Variants in ZMYM1 observed in about 807,000 individuals in gnomAD.
ZMYM1 encodes zinc finger MYM-type protein 1.
A neutral mutation model predicts 60.0 loss-of-function variants in ZMYM1; 39 were observed. That is an observed-to-expected ratio of 0.65 (90% CI 0.50 to 0.85). ZMYM1 has a LOEUF of 0.85. Ranked by LOEUF, ZMYM1 falls within the 40% of genes least tolerant of loss-of-function variation. The pLI, the probability that ZMYM1 is intolerant of heterozygous loss-of-function variation, is 0.00. For synonymous variants in ZMYM1, 413 were observed against 454.0 expected, an observed-to-expected ratio of 0.91 and a Z score of 1.15; for missense variants, 1,171 against 1,309.5, an observed-to-expected ratio of 0.89 and a Z score of 1.63.
At chr1:35,069,570 C>T (rs956093682) in intron 1 of ZMYM1, among the ~76,000 whole-genome samples, 1 of 152,138 alleles carries the variant, frequency 6.6e-6, no homozygotes, top group African/African-American at 2.4e-5. Context: ...CTTTGCTGCA[C>T]AAAAACTTTT....
downstream of ZMYM1, among the ~76,000 whole-genome samples, chr1:35,117,769 C>G (rs1310322099): frequency 1.3e-5 from 2 of 152,098 alleles, no homozygotes; most frequent in East Asian, 3.9e-4. Flanking sequence ...GGAGAAACCC[C>G]GTCTCTACTA....
chr1:35,077,552 G>C (rs201724957), upstream of ZMYM1, among the ~76,000 whole-genome samples: 1 of 152,142 alleles, frequency 6.6e-6, no homozygotes, highest in South Asian at 2.1e-4. Context: ...CTGCTCCTGA[G>C]ACCAGTGCTT....
intron 1 of ZMYM1, among the ~76,000 whole-genome samples, chr1:35,085,672 T>C (rs1642616134): frequency 6.6e-6 from 1 of 152,212 alleles, no homozygotes; most frequent in South Asian, 2.1e-4. Context: ...TGAACAGTCA[T>C]TCCTAGAGCT....
At chr1:35,064,911 G>A (rs936929773) in intron 1 of ZMYM1, among the ~76,000 whole-genome samples, 2 of 151,878 alleles carry the variant, frequency 1.3e-5, no homozygotes, top group South Asian at 2.1e-4. Context: ...TCCTGACCTC[G>A]TGATCCGCCT....
At chr1:35,063,071 AG>A (rs1219417706) in intron 1 of ZMYM1, among the ~76,000 whole-genome samples, 2 of 151,592 alleles carry the variant, frequency 1.3e-5, no homozygotes, top group African/African-American at 4.9e-5. Flanking sequence ...TCTCTTGGAG[AG>A]GAAAAGAGAG....
At chr1:35,099,775 G>C (rs897822007) in intron 4 of ZMYM1, among the ~76,000 whole-genome samples, 1 of 152,086 alleles carries the variant, frequency 6.6e-6, no homozygotes, top group East Asian at 1.9e-4. Context: ...ATGTTTCCCA[G>C]GCTGATCTTA....
At chr1:35,109,285 A>G (rs1304091112) in intron 6 of ZMYM1, among the ~76,000 whole-genome samples, 1 of 152,054 alleles carries the variant, frequency 6.6e-6, no homozygotes, top group African/African-American at 2.4e-5. Context: ...CCCCGCCTCA[A>G]CCTCTGAAAG....
Position 35,081,267 on chromosome 1 carries a change from C to T in ZMYM1, c.-75+1825C>T, listed in dbSNP as rs549349126. 9.2e-5 allele frequency among the ~76,000 whole-genome samples: 14 copies of T among 152,150 alleles called. No individual in the cohort carries two copies. In the East Asian group the frequency reaches 9.7e-4, roughly 10 times the overall value. ...TAATGTATAAAGAAGTGGTATAATG[C>T]GAAGAAATAAGGGATAGGAGTATAT... On this transcript the variant is annotated intron_variant, in intron 1 of 9. Coordinates refer to ENST00000359858, the MANE Select transcript of ZMYM1 (RefSeq NM_024772.5).
chr1:35,118,209 C>T (rs1403726859), downstream of ZMYM1, among the ~76,000 whole-genome samples: 1 of 147,012 alleles, frequency 6.8e-6, no homozygotes, highest in Non-Finnish European at 1.5e-5. Context: ...CCATTGCACT[C>T]CAGCCTGGGC....
chr1:35,066,400 G>C (rs1258364949), intron 1 of ZMYM1, among the ~76,000 whole-genome samples: 2 of 152,162 alleles, frequency 1.3e-5, no homozygotes, highest in Non-Finnish European at 2.9e-5. Flanking sequence ...GTTTCACCAT[G>C]TTGGCCAGGC....
upstream of ZMYM1, among the ~76,000 whole-genome samples, chr1:35,077,933 A>G (rs997971200): frequency 6.6e-6 from 1 of 152,238 alleles, no homozygotes; most frequent in African/African-American, 2.4e-5. Context: ...CGGGGCATTT[A>G]CAATGACATC....
At chr1:35,095,537 A>G (rs1372414757) in intron 2 of ZMYM1, among the ~76,000 whole-genome samples, 2 of 151,702 alleles carry the variant, frequency 1.3e-5, no homozygotes, top group East Asian at 3.9e-4. Flanking sequence ...AAATAGTTGT[A>G]ATTCAATATG....
At chr1:35,107,837 C>T (rs572704885) in intron 6 of ZMYM1, among the ~76,000 whole-genome samples, 9 of 152,180 alleles carry the variant, frequency 5.9e-5, no homozygotes, top group African/African-American at 1.2e-4. Context: ...GGGCCAGGTG[C>T]GGTGGCTCAC....
chr1:35,104,382 A>C lies in ZMYM1; in HGVS notation c.507A>C (p.Ser169=). Reference sequence around the variant, plus strand: ...CTTTTTGCAGCCTATCTTGTCTTTCATCATATGAAGAAAAAAGAAAACCAT... The same window carrying C: ...CTTTTTGCAGCCTATCTTGTCTTTCCTCATATGAAGAAAAAAGAAAACCAT... ...CKTFCSLSCL[S]SYEEKRKPFV... Residue 169 remains serine (S), a synonymous_variant, in exon 5 of 10, where the codon TCA becomes TCC. Coordinates refer to ENST00000359858, the MANE Select transcript of ZMYM1 (RefSeq NM_024772.5). 3 of 1,613,396 alleles carry C rather than the reference A, an allele frequency of 1.9e-6. No homozygotes were observed. The highest frequency in any genetic ancestry group is 2.5e-6 in the Non-Finnish European group (3 of 1,179,772).
intron 4 of ZMYM1, among the ~76,000 whole-genome samples, chr1:35,100,381 G>A (rs1245752752): frequency 6.6e-6 from 1 of 151,998 alleles, no homozygotes; most frequent in Admixed American, 6.6e-5. Context: ...CAGCACTTTG[G>A]GAGGCCAAGG....
At chr1:35,071,843 A>G (rs1183297969) in intron 1 of ZMYM1, among the ~76,000 whole-genome samples, 5 of 152,226 alleles carry the variant, frequency 3.3e-5, no homozygotes, top group Admixed American at 3.3e-4. Context: ...TGTTTGGTAG[A>G]ATTCAGCAGT....
chr1:35,069,727 A>G (rs1361490477), intron 1 of ZMYM1, among the ~76,000 whole-genome samples: 1 of 152,162 alleles, frequency 6.6e-6, no homozygotes, highest in East Asian at 1.9e-4. Context: ...CAGGTTTTAC[A>G]TTTAAGTCTT....
At chr1:35,100,135 C>A (rs1341558118) in intron 4 of ZMYM1, among the ~76,000 whole-genome samples, 1 of 152,130 alleles carries the variant, frequency 6.6e-6, no homozygotes, top group Non-Finnish European at 1.5e-5. Context: ...AGGTGATCTG[C>A]TTTCCTCGGC....
At chr1:35,081,886 CG>C (rs1461586055) in intron 1 of ZMYM1, among the ~76,000 whole-genome samples, 1 of 151,988 alleles carries the variant, frequency 6.6e-6, no homozygotes, top group African/African-American at 2.4e-5. Flanking sequence ...TTAGTAGATA[CG>C]GGTTTCACCA....
Sources: allele counts gnomAD v4.1 joint callset (sites outside exome capture counted in the v4.1 genomes callset), GRCh38; gene constraint gnomAD v4.1.1; transcripts MANE v1.5; gene names NCBI Gene and HGNC (gene_info 2026-07-23, HGNC 2026-07-21).